The following CDH6 variants were observed in gnomAD, a reference collection of about 807,000 sequenced individuals.
CDH6 encodes the protein cadherin-6.
In CDH6, 31 loss-of-function variants were observed where a neutral mutation model predicts 78.0. The observed-to-expected ratio is 0.40, with a 90% CI of 0.30 to 0.54. The LOEUF (loss-of-function observed/expected upper bound fraction) is 0.54. CDH6 is among the 20% of genes least tolerant of loss of function. The pLI is 0.56. For synonymous variants in CDH6, 376 were observed against 368.8 expected (o/e 1.02, Z -0.23); for missense variants, 724 against 975.9 (o/e 0.74, Z 3.44).
At chr5:31,228,611 C>T (rs1741229708) in intron 1 of CDH6, among the ~76,000 whole-genome samples, 1 of 152,178 alleles carries the variant, frequency 6.6e-6, no homozygotes, top group Admixed American at 6.5e-5. Flanking sequence ...GTGGGGTGAG[C>T]AGAGGATATG....
At position 31,326,354 on chromosome 5, in the gene CDH6, A is replaced by G. The variant is rs1170394957; in HGVS notation, c.*3046A>G. Reference sequence around the variant, plus strand: ...GCTGAATTTAAAAAAACATTAAGCCATTGTTTAAAGCCCCTTCACTTCCTG... The same window carrying G: ...GCTGAATTTAAAAAAACATTAAGCCGTTGTTTAAAGCCCCTTCACTTCCTG... On this transcript the variant is annotated 3_prime_UTR_variant, in exon 12 of 12. Transcript: ENST00000265071. 4.7e-6 allele frequency: 1 copy of G among 213,766 alleles called. No individual in the cohort carries two copies. Among genetic ancestry groups the G allele is most frequent in the Non-Finnish European group, 9.5e-6 (1 of 105,724 alleles). 13.2% of individuals were successfully genotyped at this position (213,766 alleles called of 1,614,324 possible). A position where few individuals can be genotyped will look rare whatever the true frequency, so the allele number is the denominator to read the frequency against.
chr5:31,240,477 G>A (rs1470937045), intron 1 of CDH6, among the ~76,000 whole-genome samples: 1 of 151,984 alleles, frequency 6.6e-6, no homozygotes, highest in Non-Finnish European at 1.5e-5. Flanking sequence ...AGTGTTGCAG[G>A]CCACAATCAG....
At chr5:31,203,959 C>G (rs1740441517) in intron 1 of CDH6, among the ~76,000 whole-genome samples, 1 of 152,122 alleles carries the variant, frequency 6.6e-6, no homozygotes, top group African/African-American at 2.4e-5. Context: ...ATTAAGACAA[C>G]AGAATGAAGT....
intron 1 of CDH6, among the ~76,000 whole-genome samples, chr5:31,224,851 C>T (rs548702024): frequency 2.4e-4 from 37 of 152,302 alleles, no homozygotes; most frequent in African/African-American, 7.7e-4. Context: ...GCTCTCAATA[C>T]TCTTTTTAGC....
At chr5:31,287,824 C>A (rs1743049855) in intron 2 of CDH6, among the ~76,000 whole-genome samples, 1 of 152,234 alleles carries the variant, frequency 6.6e-6, no homozygotes, top group African/African-American at 2.4e-5. Flanking sequence ...CCAGGTAATG[C>A]CAATGTGGCT....
chr5:31,226,157 A>T (rs1741145403), intron 1 of CDH6, among the ~76,000 whole-genome samples: 1 of 152,164 alleles, frequency 6.6e-6, no homozygotes, highest in Admixed American at 6.5e-5. Flanking sequence ...TACTTTGAAC[A>T]GTATACACAG....
chr5:31,280,542 T>C (rs1200631628), intron 2 of CDH6, among the ~76,000 whole-genome samples: 2 of 151,842 alleles, frequency 1.3e-5, no homozygotes, highest in African/African-American at 2.4e-5. Context: ...TTAAGTCTGA[T>C]ACTCTTTCCC....
intron 2 of CDH6, among the ~76,000 whole-genome samples, chr5:31,274,588 G>A (rs1278200126): frequency 2.0e-5 from 3 of 152,238 alleles, no homozygotes; most frequent in Admixed American, 1.3e-4. Context: ...GGGAGGCCGA[G>A]GCAGGCATAT....
chr5:31,271,846 G>A lies in CDH6; in HGVS notation c.228+4145G>A, dbSNP rs75510496. On this transcript the variant is annotated intron_variant, in intron 2 of 11. Coordinates refer to ENST00000265071, the MANE Select transcript of CDH6 (RefSeq NM_004932.4). ...AACAAGATCCCCAGGTGAATCGTAC[G>A]CATGTTAAAATTTGAGAAGTGCTGC... is the stretch of plus-strand genomic sequence containing the variant. Among the ~76,000 whole-genome samples the A allele has an allele frequency of 3.2e-3, 489 of 152,212 alleles. 12 individuals are homozygous for A. In the South Asian group the frequency reaches 0.048, roughly 15 times the overall value.
chr5:31,272,799 G>A (rs911777442), intron 2 of CDH6, among the ~76,000 whole-genome samples: 1 of 152,118 alleles, frequency 6.6e-6, no homozygotes, highest in East Asian at 1.9e-4. Flanking sequence ...AACATGCCAG[G>A]AAATCTGTTT....
rs186495545 is a variant in CDH6 at position 31,309,525 on chromosome 5, A to C, written c.1254-3793A>C. Among the ~76,000 whole-genome samples the C allele has an allele frequency of 3.9e-5, 6 of 152,306 alleles. No homozygotes were observed. The East Asian group carries it at 1.2e-3, about 29-fold the overall frequency. ...ATGTTTTTAACCTCATAAAGTTTTAAAAATCCAGCTGAAATGGGCAGTTTT... is the reference window on the plus strand; with the variant it reads ...ATGTTTTTAACCTCATAAAGTTTTACAAATCCAGCTGAAATGGGCAGTTTT... On this transcript the variant is annotated intron_variant, in intron 7 of 11. Coordinates refer to ENST00000265071, the MANE Select transcript of CDH6 (RefSeq NM_004932.4).
intron 8 of CDH6, among the ~76,000 whole-genome samples, chr5:31,315,998 C>T (rs192493551): frequency 6.6e-6 from 1 of 152,168 alleles, no homozygotes; most frequent in East Asian, 1.9e-4. Flanking sequence ...GCTTTGTCAC[C>T]CATGTATCTC....
chr5:31,272,204 A>G (rs925332316), intron 2 of CDH6, among the ~76,000 whole-genome samples: 1 of 152,224 alleles, frequency 6.6e-6, no homozygotes, highest in Non-Finnish European at 1.5e-5. Flanking sequence ...TGAAGAAGCC[A>G]AAGGTCCGAA....
Position 31,230,248 on chromosome 5 carries a change from A to G in CDH6, c.-129+36362A>G, listed in dbSNP as rs539125735. On this transcript the variant is annotated intron_variant, in intron 1 of 11. Transcript: ENST00000265071. ...CATTGCAAATTAAAAGATCAACTTA[A>G]CTTGCATGGGAGAAAAGTCATCTCT... Among the ~76,000 whole-genome samples, 12 of 152,326 alleles carry G rather than the reference A, an allele frequency of 7.9e-5. 1 individual carries two copies. The South Asian group carries it at 2.5e-3, about 32-fold the overall frequency.
chr5:31,272,698 T>TCTTCCACAATGTTCTTTAACCCCTC (rs1212266832), intron 2 of CDH6, among the ~76,000 whole-genome samples: 1 of 152,234 alleles, frequency 6.6e-6, no homozygotes, highest in Non-Finnish European at 1.5e-5. Flanking sequence ...CTCCATTTTA[T>TCTTCCACAATGTTCTTTAACCCCTC]CTTCCACAAT....
At chr5:31,224,685 C>T (rs1741099590) in intron 1 of CDH6, among the ~76,000 whole-genome samples, 1 of 152,110 alleles carries the variant, frequency 6.6e-6, no homozygotes, top group Non-Finnish European at 1.5e-5. Context: ...TCCCAAGTAG[C>T]TGGGACTACA....
intron 1 of CDH6, among the ~76,000 whole-genome samples, chr5:31,245,579 C>CA (rs1741722260): frequency 6.6e-6 from 1 of 152,204 alleles, no homozygotes; most frequent in South Asian, 2.1e-4. Context: ...GGGGACATTA[C>CA]AGGGTTTTTA....
rs192203925 is a variant in CDH6, at chr5:31,286,540, G to T, written c.229-7422G>T. ...AAACTGCAAGAAGTAGGGTATGGCT[G>T]GAACCAGGAGAGTTAAGGGGAGAAC... On this transcript the variant is annotated intron_variant, in intron 2 of 11. Transcript: ENST00000265071. 2.6e-5 allele frequency among the ~76,000 whole-genome samples: 4 copies of T among 152,284 alleles called. No individual in the cohort carries two copies. In the East Asian group the frequency reaches 7.7e-4, roughly 29 times the overall value.
At chr5:31,246,142 C>T (rs536285501) in intron 1 of CDH6, among the ~76,000 whole-genome samples, 10 of 152,016 alleles carry the variant, frequency 6.6e-5, no homozygotes, top group African/African-American at 2.4e-4. Flanking sequence ...CATCTCCTGA[C>T]CTCATGATCC....
Sources: allele counts gnomAD v4.1 joint callset (sites outside exome capture counted in the v4.1 genomes callset), GRCh38; gene constraint gnomAD v4.1.1; transcripts MANE v1.5; gene names NCBI Gene and HGNC (gene_info 2026-07-23, HGNC 2026-07-21).